Variants in MEST observed in about 807,000 individuals in gnomAD.
MEST encodes the protein mesoderm specific transcript.
In MEST, 18 loss-of-function variants were observed where a neutral mutation model predicts 50.9. That is an observed-to-expected ratio of 0.35 (90% CI 0.24 to 0.52). The LOEUF is 0.52. MEST is among the 20% of genes least tolerant of loss of function. The pLI is 0.94. For missense variants in MEST, 282 were observed against 425.3 expected (o/e 0.66, Z 2.96); for synonymous variants, 130 against 154.1 (o/e 0.84, Z 1.16).
Position 130,500,773 on chromosome 7 carries a change from T to G in MEST, c.648-16T>G, listed in dbSNP as rs1202278497. The G allele has an allele frequency of 6.3e-7, 1 of 1,596,684 alleles. No individual in the cohort carries two copies. The highest frequency in any genetic ancestry group is 1.8e-5 in the Admixed American group (1 of 57,058). Reference sequence around the variant, plus strand: ...TTCTCCTCACACTTATCTTCCTGCGTTTTGGACTCTTTCAGTCTCACCCCA... The same window carrying G: ...TTCTCCTCACACTTATCTTCCTGCGGTTTGGACTCTTTCAGTCTCACCCCA... On this transcript the variant is annotated splice_polypyrimidine_tract_variant and intron_variant, in intron 8 of 11. Transcript: ENST00000223215. The surrounding 1 kb of genome is among the most constrained non-coding windows in gnomAD (Gnocchi z 5.0).
At chr7:130,493,897 C>T (rs548014607) in intron 1 of MEST, among the ~76,000 whole-genome samples, 26 of 152,290 alleles carry the variant, frequency 1.7e-4, no homozygotes, top group Non-Finnish European at 3.7e-4. Flanking sequence ...TGGGATACAG[C>T]CTGCTATTGT....
At chr7:130,504,109 C>A in intron 11 of MEST, 113 bp downstream of exon 11, 2 of 749,806 alleles carry the variant, frequency 2.7e-6, no homozygotes, top group Non-Finnish European at 2.3e-6. Flanking sequence ...ACCTCGCTGG[C>A]TGTTCATCCA....
chr7:130,500,645 G>C lies in MEST; in HGVS notation c.647+113G>C. The stretch of plus-strand genomic sequence containing the variant: ...ATATTTTAAAGCAAAGGTGTTGGCC[G>C]CTTGCCAGGGAAGTAGAAGGAATTC... On this transcript the variant is annotated intron_variant, in intron 8 of 11. Coordinates refer to ENST00000223215, the MANE Select transcript of MEST (RefSeq NM_002402.4). This position sits in a 1 kb window ranked among gnomAD's most constrained non-coding sequence, Gnocchi z 5.0. The C allele has an allele frequency of 7.9e-7, 1 of 1,263,846 alleles. No individual in the cohort carries two copies. Among genetic ancestry groups the C allele is most frequent in the Non-Finnish European group, 1.1e-6 (1 of 897,672 alleles). 78.3% of individuals were successfully genotyped at this position (1,263,846 alleles called of 1,614,324 possible).
chr7:130,494,726 A>G (rs567127484), intron 1 of MEST: 1 of 386,488 alleles, frequency 2.6e-6, no homozygotes, highest in East Asian at 1.6e-4. Flanking sequence ...CAGCTATCTT[A>G]CTTTCACAGA....
intron 1 of MEST, 100 bp from the exon 2 acceptor site, chr7:130,495,267 TG>T: frequency 8.1e-7 from 1 of 1,235,826 alleles, no homozygotes. Flanking sequence ...AATCATTGCA[TG>T]GTAACAGCAA....
chr7:130,505,140 G>A lies in MEST; in HGVS notation c.*84G>A, dbSNP rs1381332391. 1.0e-6 allele frequency: 1 copy of A among 998,012 alleles called. No individual in the cohort carries two copies. Among genetic ancestry groups the A allele is most frequent in the Non-Finnish European group, 1.6e-6 (1 of 640,662 alleles). 61.8% of individuals were successfully genotyped at this position (998,012 alleles called of 1,614,324 possible). A position where few individuals can be genotyped will look rare whatever the true frequency, so the allele number is the denominator to read the frequency against. On this transcript the variant is annotated 3_prime_UTR_variant, in exon 12 of 12. Transcript: ENST00000223215. ...CACTTAGGAAGAAATGCCCAAAAGA[G>A]GTCCTGGCCATCAAACATAATTCTC...
intron 10 of MEST, 46 bp downstream of exon 10, chr7:130,502,766 T>C: frequency 7.0e-7 from 1 of 1,432,050 alleles, no homozygotes; most frequent in Non-Finnish European, 9.8e-7. Context: ...GACTATAGGG[T>C]TAAAGTAATC....
At chr7:130,491,988 C>CGAGCAAGG (rs1798832587), upstream of MEST, 2 of 163,908 alleles carry the variant, frequency 1.2e-5, no homozygotes, top group Non-Finnish European at 2.4e-5. The surrounding 1 kb of genome is among the most constrained non-coding windows in gnomAD (Gnocchi z 6.8). Context: ...GGCTCTGCGG[C>CGAGCAAGG]GAGCAAGGGA....
In MEST at chr7:130,498,153, T is replaced by C. The variant is rs782316324; in HGVS notation, c.354T>C (p.Tyr118=). 3 of 1,614,048 alleles carry C rather than the reference T, an allele frequency of 1.9e-6. No homozygotes were observed. Among genetic ancestry groups the C allele is most frequent in the Non-Finnish European group, 1.7e-6 (2 of 1,180,036 alleles). The change falls in exon 5 of 12, where the codon TAT becomes TAC. Residue 118 remains tyrosine, a synonymous_variant. Coordinates refer to ENST00000223215, the MANE Select transcript of MEST (RefSeq NM_002402.4). ...GFSDKPRPHH[Y]SIFEQASIVE... ...CCTTTCCTCAGAGACCACATCACTA[T>C]TCCATATTTGAGCAGGCCAGCATCG... is the stretch of plus-strand genomic sequence containing the variant.
Position 130,497,824 on chromosome 7 carries a change from CTT to C in MEST, c.262-110_262-109del, listed in dbSNP as rs1484545194. On this transcript the variant is annotated intron_variant, in intron 3 of 11. Coordinates refer to ENST00000223215, the MANE Select transcript of MEST (RefSeq NM_002402.4). The surrounding 1 kb of genome is among the most constrained non-coding windows in gnomAD (Gnocchi z 4.0). ...CTGTGGTAGTTTCATGGCGTTTTCTCTTTATGGAAGTCTGTTAAGCCAAGATA... is the reference window on the plus strand; with the variant it reads ...CTGTGGTAGTTTCATGGCGTTTTCTCTATGGAAGTCTGTTAAGCCAAGATA... 8 of 914,498 alleles carry C rather than the reference CTT, an allele frequency of 8.7e-6. No homozygotes were observed. Among genetic ancestry groups the C allele is most frequent in the Non-Finnish European group, 1.3e-5 (7 of 552,898 alleles). The allele number at this position is 914,498 out of a possible 1,614,324, so 56.6% of individuals were successfully genotyped here. A position where few individuals can be genotyped will look rare whatever the true frequency, so the allele number is the denominator to read the frequency against.
upstream of MEST, chr7:130,490,041 T>C (rs1176416920): frequency 6.6e-6 from 1 of 152,200 alleles, no homozygotes. Flanking sequence ...GAAAAATATA[T>C]AATGCAAAGG....
chr7:130,502,563 C>A, intron 9 of MEST, 81 bp from the exon 10 acceptor site: 1 of 1,002,180 alleles, frequency 1.0e-6, no homozygotes, highest in South Asian at 1.4e-5. Flanking sequence ...ATCTTGTGTT[C>A]CTTGTGGCTC....
At chr7:130,493,435 A>G (rs1221809573) in intron 1 of MEST, among the ~76,000 whole-genome samples, 1 of 152,150 alleles carries the variant, frequency 6.6e-6, no homozygotes, top group Admixed American at 6.5e-5. Flanking sequence ...TGCTTAACCC[A>G]TTTTGCCTAC....
At position 130,505,268 on chromosome 7, in the gene MEST, T is replaced by G; in HGVS notation, c.*212T>G. ...AATAGTCCACCTCCCATTACTTTGA[T>G]ATCTGATCAAATGTATAGACTTGGC... On this transcript the variant is annotated 3_prime_UTR_variant, in exon 12 of 12. Coordinates refer to ENST00000223215, the MANE Select transcript of MEST (RefSeq NM_002402.4). 2.1e-6 allele frequency: 1 copy of G among 470,594 alleles called. No individual in the cohort carries two copies. Among genetic ancestry groups the G allele is most frequent in the Non-Finnish European group, 3.9e-6 (1 of 259,022 alleles). 29.2% of individuals were successfully genotyped at this position (470,594 alleles called of 1,614,324 possible).
Position 130,497,010 on chromosome 7 carries a change from C to A in MEST, c.182-146C>A. 1 of 587,150 alleles carries A rather than the reference C, an allele frequency of 1.7e-6. No individual in the cohort carries two copies. The highest frequency in any genetic ancestry group is 2.4e-5 in the South Asian group (1 of 42,204). The allele number at this position is 587,150 out of a possible 1,614,324, so 36.4% of individuals were successfully genotyped here. A position where few individuals can be genotyped will look rare whatever the true frequency, so the allele number is the denominator to read the frequency against. On this transcript the variant is annotated intron_variant, in intron 2 of 11. Coordinates refer to ENST00000223215, the MANE Select transcript of MEST (RefSeq NM_002402.4). This position sits in a 1 kb window ranked among gnomAD's most constrained non-coding sequence, Gnocchi z 4.0. ...CCTGTTCTCACCTAACGCAGTTAAG[C>A]TTACATTTTACAAATAATTGTGTCA...
At chr7:130,496,630 T>G (rs1554437070) in intron 2 of MEST, 1 of 166,372 alleles carries the variant, frequency 6.0e-6, no homozygotes, top group Non-Finnish European at 1.3e-5. Context: ...GACAGGATTT[T>G]GTAATAGTTT....
At position 130,498,147 on chromosome 7, in the gene MEST, T is replaced by C; in HGVS notation, c.348T>C (p.His116=). Residue 116 remains histidine (H), a synonymous_variant, in exon 5 of 12, where the codon CAT becomes CAC. Transcript: ENST00000223215. ...GFGFSDKPRP[H]HYSIFEQASI... is the part of the protein sequence containing the mutation. ...GGCTTTCCTTTCCTCAGAGACCACA[T>C]CACTATTCCATATTTGAGCAGGCCA... The C allele has an allele frequency of 3.7e-6, 6 of 1,614,130 alleles. No homozygotes were observed. The highest frequency in any genetic ancestry group is 1.3e-5 in the African/African-American group (1 of 75,014).
At chr7:130,494,163 G>T (rs1424252267) in intron 1 of MEST, among the ~76,000 whole-genome samples, 3 of 152,220 alleles carry the variant, frequency 2.0e-5, no homozygotes, top group African/African-American at 7.2e-5. Context: ...GGGATATGGG[G>T]GGGAAAAGTA....
intron 1 of MEST, among the ~76,000 whole-genome samples, chr7:130,494,166 GA>G (rs1257670544): frequency 2.3e-4 from 35 of 152,208 alleles, no homozygotes; most frequent in Non-Finnish European, 4.4e-5. Context: ...ATATGGGGGG[GA>G]AAAGTATCTT....
Sources: gnomAD v4.1 joint callset for allele counts (sites outside exome capture counted in the v4.1 genomes callset) on GRCh38, gnomAD v4.1.1 for gene constraint, Gnocchi (gnomAD v3.1) non-coding constraint, MANE v1.5 for transcripts, NCBI Gene and HGNC (gene_info 2026-07-23, HGNC 2026-07-21) for gene names.